RTN1: variants seen among roughly 807,000 people sequenced by gnomAD.
RTN1 encodes reticulon 1, also known as reticulon-1.
A neutral mutation model predicts 65.5 loss-of-function variants in RTN1; 25 were observed. The observed-to-expected ratio is 0.38, with a 90% CI of 0.28 to 0.53. RTN1 has a LOEUF of 0.53. Ranked by LOEUF, RTN1 falls within the 20% of genes least tolerant of loss-of-function variation. The pLI, the probability that RTN1 is intolerant of heterozygous loss-of-function variation, is 0.79. For synonymous variants in RTN1, 471 were observed against 447.6 expected, an observed-to-expected ratio of 1.05 and a Z score of -0.66; for missense variants, 983 against 1,025.4, an observed-to-expected ratio of 0.96 and a Z score of 0.57.
At chr14:59,696,763 A>G (rs1051635492) in intron 3 of RTN1, among the ~76,000 whole-genome samples, 3 of 152,218 alleles carry the variant, frequency 2.0e-5, no homozygotes, top group African/African-American at 7.2e-5. Flanking sequence ...TCCAAGATAG[A>G]GGAGTCTCTT....
At chr14:59,630,522 G>C in intron 3 of RTN1, 1 of 1,613,298 alleles carries the variant, frequency 6.2e-7, no homozygotes, top group Non-Finnish European at 8.5e-7. Context: ...GGGCTTTGGG[G>C]GCTCGCCGTG....
intron 1 of RTN1, among the ~76,000 whole-genome samples, chr14:59,767,055 T>C (rs932652752): frequency 3.9e-5 from 6 of 152,204 alleles, no homozygotes; most frequent in African/African-American, 1.4e-4. Context: ...AACATAATTA[T>C]GCAGGCATAG....
chr14:59,677,459 T>A (rs1026902366), intron 3 of RTN1, among the ~76,000 whole-genome samples: 3 of 152,166 alleles, frequency 2.0e-5, no homozygotes, highest in African/African-American at 4.8e-5. Flanking sequence ...CGAGAAAGAT[T>A]CACTTTTTTA....
intron 3 of RTN1, among the ~76,000 whole-genome samples, chr14:59,717,532 A>C (rs1884562062): frequency 6.6e-6 from 1 of 152,194 alleles, no homozygotes; most frequent in Non-Finnish European, 1.5e-5. Flanking sequence ...AGGAGGCCCC[A>C]AACTACTGAA....
intron 1 of RTN1, among the ~76,000 whole-genome samples, chr14:59,848,337 C>T (rs1057178866): frequency 3.9e-5 from 6 of 152,184 alleles, no homozygotes; most frequent in African/African-American, 1.4e-4. Context: ...TATATAAATT[C>T]TCAAGATAAT....
chr14:59,716,394 C>A (rs1884534341), intron 3 of RTN1, among the ~76,000 whole-genome samples: 3 of 152,192 alleles, frequency 2.0e-5, no homozygotes, highest in Admixed American at 2.0e-4. Flanking sequence ...TAGGAAAGCA[C>A]AGTTCATAAA....
chr14:59,603,777 A>G (rs1881654101), intron 6 of RTN1, 75 bp downstream of exon 6: 2 of 1,193,104 alleles, frequency 1.7e-6, no homozygotes, highest in East Asian at 2.4e-5. Flanking sequence ...AAACAAACAA[A>G]AAGCTTACAG....
chr14:59,749,134 A>ATCTATCTATC (rs371376847), intron 1 of RTN1, among the ~76,000 whole-genome samples: 6 of 64,938 alleles, frequency 9.2e-5, no homozygotes, highest in Non-Finnish European at 1.4e-4. Flanking sequence ...AGATATATCT[A>ATCTATCTATC]TATCTATCTA....
chr14:59,725,128 C>G (rs1254492779), intron 3 of RTN1, among the ~76,000 whole-genome samples: 2 of 152,210 alleles, frequency 1.3e-5, no homozygotes. Flanking sequence ...AAAAGATACT[C>G]TGAAGCCTTT....
rs182921526 is a variant in RTN1 at position 59,818,044 on chromosome 14, T to C, written c.241+52346A>G. On this transcript the variant is annotated intron_variant, in intron 1 of 8. Transcript: ENST00000267484. ...CCTCCTCCCACATTCCCCACTCAAG[T>C]AGGCCACAGTGTCTGTTGTTCCCAT... is the stretch of plus-strand genomic sequence containing the variant. Among the ~76,000 whole-genome samples, 291 of 152,286 alleles carry C rather than the reference T, an allele frequency of 1.9e-3. 7 individuals carry two copies. The highest frequency in any genetic ancestry group is 0.019 in the Admixed American group (290 of 15,294).
chr14:59,750,935 C>A (rs1885506882), intron 1 of RTN1, among the ~76,000 whole-genome samples: 1 of 150,496 alleles, frequency 6.6e-6, no homozygotes, highest in African/African-American at 2.4e-5. Flanking sequence ...CCAGGCCTGT[C>A]TTGAACTCCT....
intron 1 of RTN1, among the ~76,000 whole-genome samples, chr14:59,851,033 A>G (rs895388483): frequency 1.3e-5 from 2 of 152,238 alleles, no homozygotes; most frequent in Non-Finnish European, 2.9e-5. Flanking sequence ...GTGCAGGGTC[A>G]TTCATAGAAA....
At chr14:59,837,932 G>A (rs1381404809) in intron 1 of RTN1, among the ~76,000 whole-genome samples, 1 of 151,810 alleles carries the variant, frequency 6.6e-6, no homozygotes, top group Non-Finnish European at 1.5e-5. Flanking sequence ...GGGGGTTTGG[G>A]GTCTTTTTAA....
intron 1 of RTN1, among the ~76,000 whole-genome samples, chr14:59,812,343 A>C (rs905247734): frequency 2.0e-5 from 3 of 152,202 alleles, no homozygotes; most frequent in Admixed American, 2.0e-4. Context: ...TAAAAACAGA[A>C]GCAGTTTTCC....
intron 2 of RTN1, among the ~76,000 whole-genome samples, chr14:59,729,864 GGTT>G (rs1884862467): frequency 6.6e-6 from 1 of 152,170 alleles, no homozygotes; most frequent in Admixed American, 6.5e-5. Context: ...TTTGGTTTCT[GGTT>G]GTTTTTAGCC....
intron 1 of RTN1, among the ~76,000 whole-genome samples, chr14:59,835,326 C>T (rs762833372): frequency 4.0e-5 from 6 of 151,728 alleles, no homozygotes; most frequent in Non-Finnish European, 7.4e-5. Context: ...AGAAAAGGGG[C>T]GGGGAGAGGG....
intron 1 of RTN1, among the ~76,000 whole-genome samples, chr14:59,750,412 GTATAATA>G (rs1179516474): frequency 2.9e-5 from 1 of 34,974 alleles, no homozygotes; most frequent in Non-Finnish European, 4.3e-5. Flanking sequence ...TATATTATAT[GTATAATA>G]TATAATATAT....
chr14:59,677,922 T>G (rs1361238468), intron 3 of RTN1, among the ~76,000 whole-genome samples: 1 of 152,240 alleles, frequency 6.6e-6, no homozygotes, highest in Non-Finnish European at 1.5e-5. Flanking sequence ...TTCTGTCTCT[T>G]AATGTTAGAA....
intron 3 of RTN1, among the ~76,000 whole-genome samples, chr14:59,647,967 AT>A (rs1335774992): frequency 6.6e-6 from 1 of 152,180 alleles, no homozygotes; most frequent in Non-Finnish European, 1.5e-5. Context: ...AGATCAAGAC[AT>A]TAAAAGCCAT....
Sources: gnomAD v4.1 joint callset for allele counts (sites outside exome capture counted in the v4.1 genomes callset) on GRCh38, gnomAD v4.1.1 for gene constraint, MANE v1.5 for transcripts, NCBI Gene and HGNC (gene_info 2026-07-23, HGNC 2026-07-21) for gene names.